The following ALK variants were observed in gnomAD, a reference collection of about 807,000 sequenced individuals.
ALK encodes ALK tyrosine kinase receptor.
Under a neutral mutation model 163.1 loss-of-function variants are expected in ALK, and 74 were observed. That is an observed-to-expected ratio of 0.45 (90% CI 0.38 to 0.55). The LOEUF (loss-of-function observed/expected upper bound fraction) is 0.55. ALK is among the 20% of genes least tolerant of loss of function. The pLI, the probability that ALK is intolerant of heterozygous loss-of-function variation, is 0.00. For synonymous variants in ALK, 960 were observed against 843.2 expected, an observed-to-expected ratio of 1.14 and a Z score of -2.40; for missense variants, 2,063 against 2,105.3, an observed-to-expected ratio of 0.98 and a Z score of 0.39.
intron 1 of ALK, among the ~76,000 whole-genome samples, chr2:29,742,008 G>A (rs960997405): frequency 6.6e-6 from 1 of 152,362 alleles, no homozygotes; most frequent in East Asian, 1.9e-4. Context: ...TCCCACATCA[G>A]TGAGCATCTT....
chr2:29,391,939 T>C (rs1352641063), intron 4 of ALK, among the ~76,000 whole-genome samples: 2 of 152,244 alleles, frequency 1.3e-5, no homozygotes, highest in African/African-American at 2.4e-5. Flanking sequence ...GGAATACTAA[T>C]TGACTCATAA....
At chr2:29,595,047 A>G (rs1675170953) in intron 3 of ALK, among the ~76,000 whole-genome samples, 1 of 152,212 alleles carries the variant, frequency 6.6e-6, no homozygotes, top group Non-Finnish European at 1.5e-5. Flanking sequence ...ACACGATTAA[A>G]AACATCTGAA....
At chr2:29,552,891 G>T (rs2148176526) in intron 3 of ALK, among the ~76,000 whole-genome samples, 1 of 152,264 alleles carries the variant, frequency 6.6e-6, no homozygotes, top group East Asian at 1.9e-4. Flanking sequence ...CATCCTGCCT[G>T]TCCACCTCAC....
intron 1 of ALK, among the ~76,000 whole-genome samples, chr2:29,895,088 T>C (rs5018732): frequency 0.72 from 109,033 of 152,112 alleles, 40,070 homozygotes; most frequent in Non-Finnish European, 0.81. Flanking sequence ...CCATAATGTG[T>C]TTTTGAATCA....
At chr2:29,883,584 A>C (rs992225825) in intron 1 of ALK, among the ~76,000 whole-genome samples, 2 of 152,246 alleles carry the variant, frequency 1.3e-5, no homozygotes, top group Non-Finnish European at 2.9e-5. Context: ...AGAATGCTGA[A>C]TTGAAACATG....
At chr2:29,357,109 C>T (rs1668268832) in intron 5 of ALK, among the ~76,000 whole-genome samples, 1 of 152,164 alleles carries the variant, frequency 6.6e-6, no homozygotes, top group Non-Finnish European at 1.5e-5. Context: ...ATAACGAACG[C>T]CTCTGAGTTT....
At chr2:29,199,437 A>G (rs1669104937) in intron 26 of ALK, among the ~76,000 whole-genome samples, 1 of 152,124 alleles carries the variant, frequency 6.6e-6, no homozygotes, top group Non-Finnish European at 1.5e-5. Flanking sequence ...CTCTCTTCTT[A>G]AATCTAGTTG....
intron 1 of ALK, among the ~76,000 whole-genome samples, chr2:29,876,544 ATGG>A (rs1398043098): frequency 2.1e-5 from 3 of 144,864 alleles, no homozygotes; most frequent in Non-Finnish European, 3.0e-5. Context: ...GGTAGTGGTA[ATGG>A]TGGTGATGGT....
intron 5 of ALK, among the ~76,000 whole-genome samples, chr2:29,354,779 T>G (rs190115652): frequency 1.6e-4 from 24 of 150,820 alleles, no homozygotes; most frequent in Non-Finnish European, 3.1e-4. Flanking sequence ...TTTTTTTTTT[T>G]TTTTTGAGAT....
At chr2:29,657,408 C>T (rs1677217018) in intron 3 of ALK, among the ~76,000 whole-genome samples, 2 of 145,364 alleles carry the variant, frequency 1.4e-5, no homozygotes, top group Non-Finnish European at 2.9e-5. Context: ...ATAGAAGGGT[C>T]CTTGTTAAGA....
At chr2:29,516,629 G>T (rs965789901) in intron 4 of ALK, among the ~76,000 whole-genome samples, 1 of 152,174 alleles carries the variant, frequency 6.6e-6, no homozygotes, top group African/African-American at 2.4e-5. Context: ...TAGTGCAGTG[G>T]TGTCTGTGGG....
chr2:29,244,498 T>A (rs1664607124), intron 12 of ALK, among the ~76,000 whole-genome samples: 3 of 152,160 alleles, frequency 2.0e-5, no homozygotes, highest in African/African-American at 4.8e-5. Flanking sequence ...TCCTGTTGCA[T>A]CAGTGAGCAA....
At position 29,920,998 on chromosome 2, in the gene ALK, T is replaced by C; in HGVS notation, c.-339A>G. The C allele has an allele frequency of 3.0e-6, 1 of 333,970 alleles. No individual in the cohort carries two copies. 20.7% of individuals were successfully genotyped at this position (333,970 alleles called of 1,614,324 possible). A position where few individuals can be genotyped will look rare whatever the true frequency, so the allele number is the denominator to read the frequency against. ...CTCGGTACAGAGGAACTACTATGGT[T>C]GAAGGGAGGTGGCAGTTGGGTACCG... On this transcript the variant is annotated 5_prime_UTR_variant, in exon 1 of 29. Coordinates refer to ENST00000389048, the MANE Select transcript of ALK (RefSeq NM_004304.5).
chr2:29,214,499 G>C (rs970317321), intron 23 of ALK, among the ~76,000 whole-genome samples: 1 of 152,148 alleles, frequency 6.6e-6, no homozygotes, highest in Non-Finnish European at 1.5e-5. Context: ...CAGGGGAATA[G>C]GGGAGTTTTA....
At chr2:29,760,226 C>T (rs1187886372) in intron 1 of ALK, among the ~76,000 whole-genome samples, 1 of 152,122 alleles carries the variant, frequency 6.6e-6, no homozygotes, top group Non-Finnish European at 1.5e-5. Flanking sequence ...TCCCTATATA[C>T]ACACTTCCTT....
chr2:29,851,079 T>C (rs1441449828), intron 1 of ALK, among the ~76,000 whole-genome samples: 2 of 152,194 alleles, frequency 1.3e-5, no homozygotes, highest in African/African-American at 4.8e-5. Flanking sequence ...TTAATATATA[T>C]ATTCAAAGAC....
chr2:29,867,511 G>A (rs1479893316), intron 1 of ALK, among the ~76,000 whole-genome samples: 1 of 152,128 alleles, frequency 6.6e-6, no homozygotes, highest in Non-Finnish European at 1.5e-5. Flanking sequence ...ACAGATTCGT[G>A]AGTTGCAACA....
chr2:29,546,044 A>G (rs910964389), intron 3 of ALK, among the ~76,000 whole-genome samples: 1 of 152,304 alleles, frequency 6.6e-6, no homozygotes, highest in East Asian at 1.9e-4. Context: ...GTGTGTGCGT[A>G]TATACGTGTA....
chr2:29,412,231 C>G (rs542434508), intron 4 of ALK, among the ~76,000 whole-genome samples: 3 of 152,296 alleles, frequency 2.0e-5, no homozygotes, highest in South Asian at 4.1e-4. Context: ...TGAACAAAAT[C>G]TTGAAAGGTA....
Sources: gnomAD v4.1 joint callset for allele counts (sites outside exome capture counted in the v4.1 genomes callset) on GRCh38, gnomAD v4.1.1 for gene constraint, MANE v1.5 for transcripts, NCBI Gene and HGNC (gene_info 2026-07-23, HGNC 2026-07-21) for gene names.